ENSA: variants seen among roughly 807,000 people sequenced by gnomAD.
ENSA encodes alpha-endosulfine.
In ENSA, 7 loss-of-function variants were observed where a neutral mutation model predicts 16.8. The ratio of observed to expected loss-of-function variants is 0.42; its 90% confidence interval spans 0.24 to 0.78. The LOEUF (loss-of-function observed/expected upper bound fraction) is 0.78. Among genes scored for constraint, ENSA ranks in the 30% least tolerant of loss-of-function variants. The pLI is 0.29. For synonymous variants in ENSA, 58 were observed against 53.4 expected (o/e 1.09, Z -0.37); for missense variants, 87 against 142.3 (o/e 0.61, Z 1.98).
intron 1 of ENSA, among the ~76,000 whole-genome samples, chr1:150,628,401 G>A (rs1649495381): frequency 6.6e-6 from 1 of 151,650 alleles, no homozygotes; most frequent in African/African-American, 2.4e-5. Context: ...GGAAAACAAA[G>A]ATACAGTAGG....
At chr1:150,627,617 A>C (rs1437461133) in intron 1 of ENSA, 25 bp from the exon 2 acceptor site, 1 of 1,589,566 alleles carries the variant, frequency 6.3e-7, no homozygotes, top group African/African-American at 1.4e-5. Flanking sequence ...TGAGCCAAAT[A>C]AAATTAAAGA....
At chr1:150,627,223 A>G (rs1485175179) in intron 2 of ENSA, 1 of 1,506,998 alleles carries the variant, frequency 6.6e-7, no homozygotes, top group Admixed American at 2.3e-5. Context: ...TCTTTCCCTC[A>G]TTTCCCCACA....
chr1:150,624,649 A>C lies in ENSA; in HGVS notation c.350+993T>G, dbSNP rs182083095. On this transcript the variant is annotated intron_variant, in intron 3 of 3. Transcript: ENST00000369014. ...CTGAATTTATAATCCCCAAACCTCA[A>C]TTTACTCTCTCCTCATGTATCCCTC... 10 of 985,392 alleles carry C rather than the reference A, an allele frequency of 1.0e-5. No individual in the cohort carries two copies. The East Asian group carries it at 6.8e-4, about 67-fold the overall frequency. 61.0% of individuals were successfully genotyped at this position (985,392 alleles called of 1,614,324 possible).
chr1:150,627,217 TC>T, intron 2 of ENSA: 1 of 1,505,596 alleles, frequency 6.6e-7, no homozygotes, highest in East Asian at 2.3e-5. Flanking sequence ...CTAACATCTT[TC>T]CCTCATTTCC....
chr1:150,622,805 G>T lies in ENSA; in HGVS notation c.*39C>A. The T allele has an allele frequency of 6.4e-7, 1 of 1,560,382 alleles. No individual in the cohort carries two copies. The highest frequency in any genetic ancestry group is 8.7e-7 in the Non-Finnish European group (1 of 1,152,384). On this transcript the variant is annotated 3_prime_UTR_variant, in exon 4 of 4. Coordinates refer to ENST00000369014, the MANE Select transcript of ENSA (RefSeq NM_004436.4). ...GCACAGGACCCGGGTGGGGCAGGGAGGGGAAGCGTCTCAGGATCTGGCAGA... is the reference window on the plus strand; with the variant it reads ...GCACAGGACCCGGGTGGGGCAGGGATGGGAAGCGTCTCAGGATCTGGCAGA...
intron 3 of ENSA, chr1:150,624,619 C>T (rs1649177091): frequency 1.0e-6 from 1 of 985,610 alleles, no homozygotes; most frequent in Admixed American, 6.2e-5. Flanking sequence ...ATAAGGTTCT[C>T]TTGCCTGAAT....
Position 150,622,787 on chromosome 1 carries a change from ACCCG to A in ENSA, c.*53_*56del. On this transcript the variant is annotated 3_prime_UTR_variant, in exon 4 of 4. Transcript: ENST00000369014. ...AGGAAGGGGCAGGAGCCAGCACAGGACCCGGGTGGGGCAGGGAGGGGAAGCGTCT... is the reference window on the plus strand; with the variant it reads ...AGGAAGGGGCAGGAGCCAGCACAGGAGGTGGGGCAGGGAGGGGAAGCGTCT... The A allele has an allele frequency of 6.5e-7, 1 of 1,543,962 alleles. No individual in the cohort carries two copies. The highest frequency in any genetic ancestry group is 8.7e-7 in the Non-Finnish European group (1 of 1,143,522).
intron 1 of ENSA, 146 bp downstream of exon 1, chr1:150,629,268 G>A: frequency 1.3e-6 from 2 of 1,500,492 alleles, no homozygotes; most frequent in Non-Finnish European, 9.1e-7. Flanking sequence ...GCAGCATGTC[G>A]TGTTGAAGCT....
intron 1 of ENSA, among the ~76,000 whole-genome samples, chr1:150,627,903 G>A (rs1186940630): frequency 1.3e-5 from 2 of 152,128 alleles, no homozygotes; most frequent in Non-Finnish European, 2.9e-5. Flanking sequence ...CAGCACAAAT[G>A]CTAAGAAAGA....
chr1:150,627,244 C>T, intron 2 of ENSA: 1 of 1,522,890 alleles, frequency 6.6e-7, no homozygotes, highest in Non-Finnish European at 8.8e-7. Context: ...CACCCAAATG[C>T]TCCAATTTAG....
At chr1:150,625,174 T>C (rs587770168) in intron 3 of ENSA, 3 of 985,860 alleles carry the variant, frequency 3.0e-6, no homozygotes, top group African/African-American at 1.7e-5. Context: ...AATGGAAACA[T>C]GAAGCAATAG....
intron 3 of ENSA, chr1:150,623,938 C>T (rs1462997858): frequency 5.1e-6 from 5 of 985,308 alleles, no homozygotes; most frequent in Non-Finnish European, 6.0e-6. Context: ...ATACACACCT[C>T]ATCCCCCCAC....
chr1:150,622,989 A>G, intron 3 of ENSA, 130 bp from the exon 4 acceptor site: 1 of 1,252,598 alleles, frequency 8.0e-7, no homozygotes, highest in African/African-American at 1.5e-5. Flanking sequence ...GCTACCTGGC[A>G]TGTCTCAATC....
At chr1:150,623,094 T>C (rs1649070933) in intron 3 of ENSA, among the ~76,000 whole-genome samples, 1 of 152,206 alleles carries the variant, frequency 6.6e-6, no homozygotes, top group African/African-American at 2.4e-5. Flanking sequence ...GGGATATCCA[T>C]GGATAACAAA....
chr1:150,625,209 A>C (rs1334957786), intron 3 of ENSA: 2 of 987,262 alleles, frequency 2.0e-6, no homozygotes, highest in Non-Finnish European at 2.4e-6. Flanking sequence ...GAACACTTAG[A>C]AGCACAGAAA....
chr1:150,627,967 T>A (rs116176998), intron 1 of ENSA, among the ~76,000 whole-genome samples: 17 of 152,210 alleles, frequency 1.1e-4, no homozygotes, highest in Non-Finnish European at 2.2e-4. Context: ...CAGGGTTCCC[T>A]AGGCTATCCT....
chr1:150,622,770 G>A lies in ENSA; in HGVS notation c.*74C>T. The A allele has an allele frequency of 6.6e-7, 1 of 1,506,764 alleles. No individual in the cohort carries two copies. The highest frequency in any genetic ancestry group is 8.9e-7 in the Non-Finnish European group (1 of 1,118,326). The allele number at this position is 1,506,764 out of a possible 1,614,324, so 93.3% of individuals were successfully genotyped here. On this transcript the variant is annotated 3_prime_UTR_variant, in exon 4 of 4. Coordinates refer to ENST00000369014, the MANE Select transcript of ENSA (RefSeq NM_004436.4). ...CCCCTGGCTGCAAAAGCAGGAAGGG[G>A]CAGGAGCCAGCACAGGACCCGGGTG... is the stretch of plus-strand genomic sequence containing the variant.
chr1:150,622,992 T>C lies in ENSA; in HGVS notation c.351-133A>G, dbSNP rs587742468. 850 of 1,216,824 alleles carry C rather than the reference T, an allele frequency of 7.0e-4. 1 individual carries two copies. Among genetic ancestry groups the C allele is most frequent in the Middle Eastern group, 5.6e-3 (20 of 3,598 alleles). The allele number at this position is 1,216,824 out of a possible 1,614,324, so 75.4% of individuals were successfully genotyped here. ...AACAACCATTAGGCTACCTGGCATG[T>C]CTCAATCCTATCCATAAGGGAGTTG... On this transcript the variant is annotated intron_variant, in intron 3 of 3. Transcript: ENST00000369014.
At chr1:150,627,628 C>T (rs769257445) in intron 1 of ENSA, 36 bp from the exon 2 acceptor site, 11 of 1,581,584 alleles carry the variant, frequency 7.0e-6, no homozygotes, top group Non-Finnish European at 9.4e-6. Flanking sequence ...AAATTAAAGA[C>T]TGAGAAACAA....
Sources: gnomAD v4.1 joint callset for allele counts (sites outside exome capture counted in the v4.1 genomes callset) on GRCh38, gnomAD v4.1.1 for gene constraint, MANE v1.5 for transcripts, NCBI Gene and HGNC (gene_info 2026-07-23, HGNC 2026-07-21) for gene names.